The following GRM5 variants were observed in gnomAD, a reference collection of about 807,000 sequenced individuals.
GRM5 encodes the protein glutamate metabotropic receptor 5.
A neutral mutation model predicts 83.1 loss-of-function variants in GRM5; 19 were observed. The ratio of observed to expected loss-of-function variants is 0.23; its 90% CI spans 0.16 to 0.34. The LOEUF (loss-of-function observed/expected upper bound fraction) is 0.34, where lower values mean the gene tolerates loss of function less well. Ranked by LOEUF, GRM5 falls within the 10% of genes least tolerant of loss-of-function variation. The pLI is 1.00. For missense variants in GRM5, 1,160 were observed against 1,588.3 expected (o/e 0.73, Z 4.58); for synonymous variants, 675 against 633.6 (o/e 1.07, Z -0.98).
At chr11:88,967,773 T>C (rs1052386046) in intron 2 of GRM5, among the ~76,000 whole-genome samples, 1 of 151,988 alleles carries the variant, frequency 6.6e-6, no homozygotes, top group Non-Finnish European at 1.5e-5. Context: ...TGTTGAGAAT[T>C]GAGTGATGAG....
At position 88,902,810 on chromosome 11, in the gene GRM5, G is replaced by T. The variant is rs148399191; in HGVS notation, c.662-52655C>A. 6.1e-3 allele frequency among the ~76,000 whole-genome samples: 926 copies of T among 151,986 alleles called. 10 individuals carry two copies. The highest frequency in any genetic ancestry group is 0.022 in the African/African-American group (896 of 41,422). ...TACTAAAAATACAAAAATTAGCCAG[G>T]CATGGTGGTATGCGCCTGTGGTACC... is the stretch of plus-strand genomic sequence containing the variant. On this transcript the variant is annotated intron_variant, in intron 2 of 9. Transcript: ENST00000305447.
chr11:88,530,054 G>A (rs994144762), intron 8 of GRM5, among the ~76,000 whole-genome samples: 3 of 151,976 alleles, frequency 2.0e-5, no homozygotes, highest in African/African-American at 7.2e-5. Flanking sequence ...TCAGCATACC[G>A]ATGGTTGCAA....
At chr11:88,949,886 G>A (rs763069504) in intron 2 of GRM5, among the ~76,000 whole-genome samples, 16 of 152,018 alleles carry the variant, frequency 1.1e-4, no homozygotes, top group Middle Eastern at 6.8e-3. Context: ...ATTTTTTCAG[G>A]TGGGGTCTTG....
intron 2 of GRM5, among the ~76,000 whole-genome samples, chr11:89,032,507 T>A (rs531176489): frequency 1.3e-5 from 2 of 152,200 alleles, no homozygotes; most frequent in African/African-American, 4.8e-5. Flanking sequence ...TTAGACAAGT[T>A]GTTTAAATTT....
chr11:88,698,649 C>T (rs1163651912), intron 3 of GRM5, among the ~76,000 whole-genome samples: 2 of 152,102 alleles, frequency 1.3e-5, no homozygotes, highest in African/African-American at 2.4e-5. Context: ...GTAACAGAGA[C>T]CACAGCTGAG....
At chr11:88,923,961 AAAAT>A (rs1481190386) in intron 2 of GRM5, among the ~76,000 whole-genome samples, 2 of 151,640 alleles carry the variant, frequency 1.3e-5, no homozygotes, top group Non-Finnish European at 1.5e-5. Context: ...ATTAAAGGGA[AAAAT>A]AAATAAATAC....
At chr11:88,721,724 TTCAGTAATGAAGTTTTTATGCCTC>T (rs796341725) in intron 3 of GRM5, among the ~76,000 whole-genome samples, 14 of 152,250 alleles carry the variant, frequency 9.2e-5, no homozygotes, top group East Asian at 7.7e-4. Context: ...TGAACTCACT[TTCAGTAATGAAGTTTTTATGCCTC>T]TCAGTAATGA....
chr11:88,836,503 A>G (rs754753275), intron 3 of GRM5, among the ~76,000 whole-genome samples: 1 of 152,168 alleles, frequency 6.6e-6, no homozygotes, highest in Non-Finnish European at 1.5e-5. Flanking sequence ...AATCATGTCA[A>G]TCTTCTAGAA....
intron 2 of GRM5, among the ~76,000 whole-genome samples, chr11:88,893,851 T>A (rs534256): frequency 0.44 from 66,710 of 151,746 alleles, 15,010 homozygotes; most frequent in African/African-American, 0.52. Flanking sequence ...GCAGTTAGGG[T>A]TACCACTCCA....
chr11:88,515,686 C>T (rs952715548), intron 9 of GRM5, among the ~76,000 whole-genome samples: 2 of 152,258 alleles, frequency 1.3e-5, no homozygotes, highest in South Asian at 2.1e-4. Context: ...GTTTTAACAG[C>T]GATTAGCAAG....
At chr11:88,558,273 C>T (rs1244399913) in intron 8 of GRM5, among the ~76,000 whole-genome samples, 1 of 152,140 alleles carries the variant, frequency 6.6e-6, no homozygotes, top group Non-Finnish European at 1.5e-5. Flanking sequence ...TGACTCAGCT[C>T]TTGGCGATTT....
At chr11:89,065,000 T>C (rs1215167918) in intron 1 of GRM5, among the ~76,000 whole-genome samples, 6 of 146,916 alleles carry the variant, frequency 4.1e-5, no homozygotes, top group Non-Finnish European at 9.0e-5. Context: ...AAACATGTCT[T>C]CCAAGCTCCA....
At chr11:88,667,119 A>T (rs1940064385) in intron 3 of GRM5, among the ~76,000 whole-genome samples, 1 of 152,192 alleles carries the variant, frequency 6.6e-6, no homozygotes, top group South Asian at 2.1e-4. Context: ...AAATTTAAGA[A>T]CTCAATGGAT....
At chr11:89,036,515 C>G (rs940864064) in intron 2 of GRM5, among the ~76,000 whole-genome samples, 1 of 152,014 alleles carries the variant, frequency 6.6e-6, no homozygotes, top group Non-Finnish European at 1.5e-5. Context: ...TGAATGTTTT[C>G]TGTGTGCCAA....
chr11:88,713,255 T>C (rs1341302184), intron 3 of GRM5, among the ~76,000 whole-genome samples: 1 of 152,054 alleles, frequency 6.6e-6, no homozygotes, highest in African/African-American at 2.4e-5. Context: ...AATTTGCTGT[T>C]TCCTAGGGAT....
At chr11:88,807,722 C>T (rs1159765093) in intron 3 of GRM5, among the ~76,000 whole-genome samples, 1 of 152,028 alleles carries the variant, frequency 6.6e-6, no homozygotes, top group Non-Finnish European at 1.5e-5. Flanking sequence ...TTTCAAAAAA[C>T]AGAGTGCAGG....
In GRM5 at chr11:88,670,751, A is replaced by G. The variant is rs559933482; in HGVS notation, c.912-17348T>C. 1.9e-4 allele frequency among the ~76,000 whole-genome samples: 29 copies of G among 152,220 alleles called. 1 individual carries two copies. Among genetic ancestry groups the G allele is most frequent in the African/African-American group, 6.3e-4 (26 of 41,558 alleles). ...AGAATACAAGCTAAAACCACTACGA[A>G]TAGCACTACTCACAGACCAAAATGG... On this transcript the variant is annotated intron_variant, in intron 3 of 9. Coordinates refer to ENST00000305447, the MANE Select transcript of GRM5 (RefSeq NM_001143831.3).
intron 2 of GRM5, among the ~76,000 whole-genome samples, chr11:88,984,075 A>G (rs535243511): frequency 1.3e-5 from 2 of 152,182 alleles, no homozygotes; most frequent in African/African-American, 4.8e-5. Context: ...AAAGTAAAAA[A>G]GTTACAGTAA....
intron 3 of GRM5, among the ~76,000 whole-genome samples, chr11:88,845,456 CAG>C (rs1944286030): frequency 5.3e-5 from 3 of 56,726 alleles, no homozygotes; most frequent in African/African-American, 2.3e-4. Flanking sequence ...TTTTTTGAGA[CAG>C]AGTCTCGCTC....
Sources: allele counts gnomAD v4.1 joint callset (sites outside exome capture counted in the v4.1 genomes callset), GRCh38; gene constraint gnomAD v4.1.1; transcripts MANE v1.5; gene names NCBI Gene and HGNC (gene_info 2026-07-23, HGNC 2026-07-21).